Variants in PDE1A observed in about 807,000 individuals in gnomAD.
The protein encoded by PDE1A is dual specificity calcium/calmodulin-dependent 3',5'-cyclic nucleotide phosphodiesterase 1A.
Under a neutral mutation model 61.7 loss-of-function variants are expected in PDE1A, and 35 were observed. The ratio of observed to expected loss-of-function variants is 0.57; its 90% CI spans 0.43 to 0.75. PDE1A has a LOEUF of 0.75. Ranked by LOEUF, PDE1A falls within the 30% of genes least tolerant of loss-of-function variation. The probability of loss-of-function intolerance (pLI) is 0.00; values close to 1 mark genes in which losing one functional copy is unlikely to be tolerated. For missense variants in PDE1A, 597 were observed against 630.6 expected (o/e 0.95, Z 0.57); for synonymous variants, 232 against 213.2 (o/e 1.09, Z -0.77).
At chr2:182,476,653 C>G (rs1687384685) in intron 2 of PDE1A, among the ~76,000 whole-genome samples, 1 of 151,726 alleles carries the variant, frequency 6.6e-6, no homozygotes, top group African/African-American at 2.4e-5. Flanking sequence ...TGGAATGTTG[C>G]AGGATAGCAA....
intron 1 of PDE1A, among the ~76,000 whole-genome samples, chr2:182,276,904 G>A (rs1353613138): frequency 6.6e-6 from 1 of 151,988 alleles, no homozygotes; most frequent in African/African-American, 2.4e-5. Context: ...CTGGTCTCCT[G>A]CAGTACCCTC....
At chr2:182,626,742 T>C in the PDE1A span, among the ~76,000 whole-genome samples, 1 of 26,884 alleles carries the variant, frequency 3.7e-5, no homozygotes, top group Non-Finnish European at 7.4e-5. Flanking sequence ...TATATACATA[T>C]ATATACATAT....
chr2:182,399,519 G>A (rs577633849), intron 1 of PDE1A, among the ~76,000 whole-genome samples: 2 of 152,014 alleles, frequency 1.3e-5, no homozygotes, highest in African/African-American at 2.4e-5. Flanking sequence ...GTTTAAAAAT[G>A]AGTCTTCTCA....
chr2:182,145,922 A>T (rs962445410), downstream of PDE1A, among the ~76,000 whole-genome samples: 3 of 152,198 alleles, frequency 2.0e-5, no homozygotes, highest in Non-Finnish European at 2.9e-5. Context: ...TAACACTTTC[A>T]TATCTAAAGT....
chr2:182,602,988 CACACACATACATACATACAT>C, the PDE1A span, among the ~76,000 whole-genome samples: 2 of 125,934 alleles, frequency 1.6e-5, no homozygotes, highest in East Asian at 2.3e-4. Context: ...ACATCACACA[CACACACATACATACATACAT>C]ACATACATAC....
At chr2:182,255,676 G>C (rs554165138) in intron 2 of PDE1A, among the ~76,000 whole-genome samples, 141 of 44,156 alleles carry the variant, frequency 3.2e-3, no homozygotes, top group Non-Finnish European at 2.7e-3. Context: ...TTTTTTTTTT[G>C]AGACAGAGTC....
intron 1 of PDE1A, among the ~76,000 whole-genome samples, chr2:182,396,325 T>C (rs1442014839): frequency 3.3e-5 from 5 of 152,212 alleles, no homozygotes; most frequent in African/African-American, 4.8e-5. Flanking sequence ...GTGCACCTGG[T>C]TGTGCACTTT....
intron 1 of PDE1A, among the ~76,000 whole-genome samples, chr2:182,303,505 T>A (rs1695377453): frequency 6.6e-6 from 1 of 152,202 alleles, no homozygotes; most frequent in African/African-American, 2.4e-5. Flanking sequence ...CCAGGCTTGA[T>A]CGTTCCATTT....
chr2:182,450,385 C>A (rs918186137), intron 2 of PDE1A, among the ~76,000 whole-genome samples: 1 of 152,082 alleles, frequency 6.6e-6, no homozygotes, highest in Non-Finnish European at 1.5e-5. Flanking sequence ...GCTATGAAAT[C>A]TTCCATGAAT....
At position 182,378,336 on chromosome 2, in the gene PDE1A, G is replaced by A. The variant is rs573754909; in HGVS notation, c.53+48242C>T. On this transcript the variant is annotated intron_variant, in intron 1 of 13. Transcript: ENST00000351439. ...TGAACAAGATTGTTTCTGGGTGAAGGGGGCGTATCAATATTGACCTGGCCA... is the reference window on the plus strand; with the variant it reads ...TGAACAAGATTGTTTCTGGGTGAAGAGGGCGTATCAATATTGACCTGGCCA... Among the ~76,000 whole-genome samples the A allele has an allele frequency of 3.3e-5, 5 of 152,174 alleles. No individual in the cohort carries two copies. In the East Asian group the frequency reaches 9.6e-4, roughly 29 times the overall value.
chr2:182,676,846 T>C, the PDE1A span, among the ~76,000 whole-genome samples: 1 of 152,104 alleles, frequency 6.6e-6, no homozygotes, highest in Non-Finnish European at 1.5e-5. Context: ...CAGAAAAGGC[T>C]TTCAATAGAA....
At position 182,282,682 on chromosome 2, in the gene PDE1A, A is replaced by G. The variant is rs544003678; in HGVS notation, c.54-18268T>C. ...TTCCAAAACTTGGCATTATTTTCCT[A>G]CATACACCAAGAATTTAATTTGTTT... On this transcript the variant is annotated intron_variant, in intron 1 of 13. Coordinates refer to ENST00000351439, the Ensembl canonical transcript of PDE1A. 1.0e-3 allele frequency among the ~76,000 whole-genome samples: 158 copies of G among 152,104 alleles called. 1 individual carries two copies. The highest frequency in any genetic ancestry group is 3.7e-3 in the African/African-American group (153 of 41,530).
In PDE1A at chr2:182,200,802, C is replaced by A. The variant is rs551166608; in HGVS notation, c.1125+637G>T. ...AGAGCCAATCTTGTGGAAGACTGAG[C>A]CCTTAATTTGTGCAATTTGATGCTA... On this transcript the variant is annotated intron_variant, in intron 10 of 13. Transcript: ENST00000351439. Among the ~76,000 whole-genome samples the A allele has an allele frequency of 3.9e-5, 6 of 152,230 alleles. No homozygotes were observed. The South Asian group carries it at 6.2e-4, about 16-fold the overall frequency.
intron 2 of PDE1A, among the ~76,000 whole-genome samples, chr2:182,252,024 A>C (rs1375878032): frequency 2.6e-5 from 4 of 152,174 alleles, no homozygotes; most frequent in Middle Eastern, 3.2e-3. Flanking sequence ...GGATGATGAC[A>C]ACTGGGAGGT....
intron 1 of PDE1A, among the ~76,000 whole-genome samples, chr2:182,352,320 G>C (rs1234079299): frequency 6.6e-6 from 1 of 152,212 alleles, no homozygotes; most frequent in Non-Finnish European, 1.5e-5. Context: ...TTGAGGACAA[G>C]AAGAATCCAT....
At chr2:182,347,641 T>A (rs935494804) in intron 1 of PDE1A, among the ~76,000 whole-genome samples, 7 of 152,104 alleles carry the variant, frequency 4.6e-5, no homozygotes, top group Admixed American at 1.3e-4. Context: ...AATTGCCTAA[T>A]TTAAGACAGG....
chr2:182,495,623 G>C (rs2217424), intron 2 of PDE1A, among the ~76,000 whole-genome samples: 1 of 152,204 alleles, frequency 6.6e-6, no homozygotes, highest in South Asian at 2.1e-4. Flanking sequence ...TCCTCTAAAA[G>C]AGAAAGTAAA....
intron 7 of PDE1A, among the ~76,000 whole-genome samples, chr2:182,218,663 A>G (rs1169701197): frequency 6.6e-6 from 1 of 152,084 alleles, no homozygotes; most frequent in Non-Finnish European, 1.5e-5. Flanking sequence ...AGTTTATATC[A>G]TAAACGTGGG....
intron 1 of PDE1A, among the ~76,000 whole-genome samples, chr2:182,264,878 C>CCTATATATATATATATAT (rs1692498577): frequency 9.4e-6 from 1 of 106,878 alleles, no homozygotes; most frequent in Admixed American, 1.1e-4. Flanking sequence ...TATATATATA[C>CCTATATATATATATATAT]ATATATATAT....
Sources: gnomAD v4.1 joint callset for allele counts (sites outside exome capture counted in the v4.1 genomes callset) on GRCh38, gnomAD v4.1.1 for gene constraint, MANE v1.5 for transcripts, NCBI Gene and HGNC (gene_info 2026-07-23, HGNC 2026-07-21) for gene names.